ANKIB1: variants seen among roughly 807,000 people sequenced by gnomAD.
The protein encoded by ANKIB1 is ankyrin repeat and IBR domain-containing protein 1.
Under a neutral mutation model 122.1 loss-of-function variants are expected in ANKIB1, and 43 were observed. That is an observed-to-expected ratio of 0.35 (90% CI 0.28 to 0.45). The LOEUF (loss-of-function observed/expected upper bound fraction) is 0.45, where lower values mean the gene tolerates loss of function less well. ANKIB1 is among the 20% of genes least tolerant of loss of function. ANKIB1 has a pLI of 1.00. For missense variants in ANKIB1, 992 were observed against 1,329.5 expected, an observed-to-expected ratio of 0.75 and a Z score of 3.95; for synonymous variants, 390 against 442.0, an observed-to-expected ratio of 0.88 and a Z score of 1.48.
chr7:92,310,286 A>C (rs1383378275), intron 3 of ANKIB1, among the ~76,000 whole-genome samples: 1 of 152,130 alleles, frequency 6.6e-6, no homozygotes, highest in Non-Finnish European at 1.5e-5. Context: ...CTGTATTCAG[A>C]AGAGCTCTTT....
chr7:92,256,273 A>G (rs981735186), intron 1 of ANKIB1, among the ~76,000 whole-genome samples: 1 of 152,204 alleles, frequency 6.6e-6, no homozygotes, highest in African/African-American at 2.4e-5. Context: ...ACTTTTCCTT[A>G]GAGCTGAGAA....
intron 10 of ANKIB1, among the ~76,000 whole-genome samples, chr7:92,365,301 G>C (rs1045303735): frequency 3.3e-5 from 5 of 152,166 alleles, no homozygotes; most frequent in Non-Finnish European, 7.4e-5. Flanking sequence ...GAGAGGGTTA[G>C]GAAACACTTT....
chr7:92,388,295 T>C (rs1233055797), intron 14 of ANKIB1, among the ~76,000 whole-genome samples: 3 of 152,210 alleles, frequency 2.0e-5, no homozygotes, highest in African/African-American at 7.2e-5. Context: ...ATGATTTTGC[T>C]TACTCTGTGT....
chr7:92,292,986 A>T (rs1200532491), intron 1 of ANKIB1, among the ~76,000 whole-genome samples: 1 of 152,170 alleles, frequency 6.6e-6, no homozygotes, highest in African/African-American at 2.4e-5. Context: ...ATCAATAATA[A>T]CGCTTAAAAA....
intron 9 of ANKIB1, among the ~76,000 whole-genome samples, chr7:92,353,077 C>T (rs975470392): frequency 6.6e-6 from 1 of 152,142 alleles, no homozygotes; most frequent in Admixed American, 6.6e-5. Flanking sequence ...AAATATAAGC[C>T]TCTAGCAGTG....
intron 1 of ANKIB1, among the ~76,000 whole-genome samples, chr7:92,267,864 G>T (rs1476785664): frequency 6.6e-6 from 1 of 152,056 alleles, no homozygotes; most frequent in East Asian, 1.9e-4. Flanking sequence ...GGGAAATGGT[G>T]GTATAGGAAT....
intron 11 of ANKIB1, among the ~76,000 whole-genome samples, chr7:92,376,593 C>T (rs1471495949): frequency 1.3e-5 from 2 of 151,860 alleles, no homozygotes; most frequent in Non-Finnish European, 2.9e-5. Context: ...GGATTACAGG[C>T]GCCTGCTACC....
chr7:92,386,614 G>C lies in ANKIB1; in HGVS notation c.1723G>C (p.Glu575Gln). ...TCGCTATGAAGTCATTCAACACGTG[G>C]AGGAGCAATCCAAGGAAATGACTGT... ...CTRYEVIQHV[E>Q]EQSKEMTVEA... is the part of the protein sequence containing the mutation. Residue 575 changes from glutamate (E) to glutamine (Q), a missense_variant, in exon 12 of 20, where the codon GAG becomes CAG. Physicochemically the swap from Glu to Gln is conservative, Grantham distance 29. Transcript: ENST00000265742. 1.9e-6 allele frequency: 3 copies of C among 1,604,498 alleles called. No homozygotes were observed. The highest frequency in any genetic ancestry group is 2.6e-6 in the Non-Finnish European group (3 of 1,175,694).
intron 1 of ANKIB1, among the ~76,000 whole-genome samples, chr7:92,252,292 A>C (rs1309635108): frequency 1.3e-5 from 2 of 151,402 alleles, no homozygotes; most frequent in Non-Finnish European, 2.9e-5. Flanking sequence ...GATGACTCCC[A>C]CCTGAATTAA....
Position 92,399,902 on chromosome 7 carries a change from A to G in ANKIB1, c.*953A>G, listed in dbSNP as rs979798664. ...GTGCATTCTAATTACTGATGGGTGCAATTACTTTTAATCGTGTTTTATAAA... is the reference window on the plus strand; with the variant it reads ...GTGCATTCTAATTACTGATGGGTGCGATTACTTTTAATCGTGTTTTATAAA... On this transcript the variant is annotated 3_prime_UTR_variant, in exon 20 of 20. Coordinates refer to ENST00000265742, the MANE Select transcript of ANKIB1 (RefSeq NM_019004.2). 1.2e-4 allele frequency: 18 copies of G among 152,326 alleles called. 1 individual carries two copies. Among genetic ancestry groups the G allele is most frequent in the African/African-American group, 3.8e-4 (16 of 41,568 alleles). 9.4% of individuals were successfully genotyped at this position (152,326 alleles called of 1,614,324 possible). A position where few individuals can be genotyped will look rare whatever the true frequency, so the allele number is the denominator to read the frequency against.
intron 9 of ANKIB1, among the ~76,000 whole-genome samples, chr7:92,358,296 CTTTT>C (rs1803868256): frequency 6.6e-6 from 1 of 152,114 alleles, no homozygotes; most frequent in Non-Finnish European, 1.5e-5. Flanking sequence ...GCTGTTACTT[CTTTT>C]TTTATTTATA....
Position 92,307,552 on chromosome 7 carries a change from C to T in ANKIB1, c.382C>T (p.Leu128Phe). 6.2e-7 allele frequency: 1 copy of T among 1,613,734 alleles called. No homozygotes were observed. Among genetic ancestry groups the T allele is most frequent in the Non-Finnish European group, 8.5e-7 (1 of 1,179,868 alleles). ...GATCTTAAAATGGAAAGGAGCAAAA[C>T]TTGACCAGGGTGAATATGAGAGAGC... ...QMILKWKGAK[L>F]DQGEYERAAI... is the part of the protein sequence containing the mutation. Residue 128 changes from leucine to phenylalanine, a missense_variant, in exon 3 of 20, where the codon CTT becomes TTT. Leu to Phe is a conservative substitution (Grantham distance 22). Coordinates refer to ENST00000265742, the MANE Select transcript of ANKIB1 (RefSeq NM_019004.2).
intron 1 of ANKIB1, among the ~76,000 whole-genome samples, chr7:92,248,888 C>CTTTTTTTTTTTTTTTTTTTTTTTTT (rs778549860): frequency 2.4e-5 from 3 of 123,018 alleles, no homozygotes; most frequent in Non-Finnish European, 3.3e-5. Context: ...TCTTTTCTTT[C>CTTTTTTTTTTTTTTTTTTTTTTTTT]TTTTTTTTTT....
chr7:92,389,176 A>G (rs776106504), intron 14 of ANKIB1, among the ~76,000 whole-genome samples: 1 of 152,226 alleles, frequency 6.6e-6, no homozygotes, highest in Non-Finnish European at 1.5e-5. Flanking sequence ...AGGAAGAAGC[A>G]AAACTTCACA....
chr7:92,248,425 G>A (rs558716131), intron 1 of ANKIB1, among the ~76,000 whole-genome samples: 55 of 152,246 alleles, frequency 3.6e-4, no homozygotes, highest in African/African-American at 1.3e-3. Context: ...TTTCTTTTCT[G>A]GGGTATGCAC....
At chr7:92,387,461 C>T (rs1804681884) in intron 12 of ANKIB1, among the ~76,000 whole-genome samples, 1 of 151,818 alleles carries the variant, frequency 6.6e-6, no homozygotes, top group Non-Finnish European at 1.5e-5. Context: ...CATGGTAAAA[C>T]CCCATCTCTA....
At chr7:92,324,384 C>A (rs1802978836) in intron 4 of ANKIB1, among the ~76,000 whole-genome samples, 1 of 152,168 alleles carries the variant, frequency 6.6e-6, no homozygotes, top group Non-Finnish European at 1.5e-5. Context: ...CAGGCGCCCA[C>A]TGCCACACCT....
At chr7:92,389,505 G>A (rs1258825195) in intron 14 of ANKIB1, among the ~76,000 whole-genome samples, 1 of 152,064 alleles carries the variant, frequency 6.6e-6, no homozygotes, top group African/African-American at 2.4e-5. Context: ...TTGTTTGCCA[G>A]AATGTTGTAT....
rs187350830 is a variant in ANKIB1, at chr7:92,388,177, G to A, written c.1906+136G>A. On this transcript the variant is annotated intron_variant, in intron 14 of 19. Coordinates refer to ENST00000265742, the MANE Select transcript of ANKIB1 (RefSeq NM_019004.2). Reference sequence around the variant, plus strand: ...CTGGTACTGTTTTGAGTTCTTTGAAGCCCTGAGTGCAGCTTAGCAGATGAG... The same window carrying A: ...CTGGTACTGTTTTGAGTTCTTTGAAACCCTGAGTGCAGCTTAGCAGATGAG... 36 of 831,198 alleles carry A rather than the reference G, an allele frequency of 4.3e-5. No individual in the cohort carries two copies. The African/African-American group carries it at 6.2e-4, about 14-fold the overall frequency. The allele number at this position is 831,198 out of a possible 1,614,324, so 51.5% of individuals were successfully genotyped here.
Sources: allele counts gnomAD v4.1 joint callset (sites outside exome capture counted in the v4.1 genomes callset), GRCh38; gene constraint gnomAD v4.1.1; transcripts MANE v1.5; gene names NCBI Gene and HGNC (gene_info 2026-07-23, HGNC 2026-07-21).